FRY: variants seen among roughly 807,000 people sequenced by gnomAD.
The protein encoded by FRY is FRY microtubule binding protein, also known as protein furry homolog.
FRY carries 128 observed loss-of-function variants against 348.4 expected under a neutral mutation model. That is an observed-to-expected ratio of 0.37 (90% CI 0.32 to 0.43). The LOEUF is 0.43. Among genes scored for constraint, FRY ranks in the 20% least tolerant of loss-of-function variants. The probability of loss-of-function intolerance (pLI) is 1.00; values close to 1 mark genes in which losing one functional copy is unlikely to be tolerated. For missense variants in FRY, 2,736 were observed against 3,695.2 expected (o/e 0.74, Z 6.73); for synonymous variants, 1,370 against 1,374.7 (o/e 1.00, Z 0.08).
intron 58 of FRY, among the ~76,000 whole-genome samples, chr13:32,285,767 A>G (rs140249826): frequency 2.0e-5 from 3 of 152,334 alleles, no homozygotes; most frequent in Non-Finnish European, 4.4e-5. Context: ...CGTTTCAGTC[A>G]TATTTGATGT....
At chr13:32,143,244 A>C (rs996620504) in intron 11 of FRY, among the ~76,000 whole-genome samples, 1 of 152,204 alleles carries the variant, frequency 6.6e-6, no homozygotes, top group Non-Finnish European at 1.5e-5. Context: ...ATTTTCAAGA[A>C]TATCATTTGT....
chr13:32,295,331 C>T lies in FRY; in HGVS notation c.8913C>T (p.Ser2971=), dbSNP rs772409834. 4.4e-6 allele frequency: 7 copies of T among 1,579,714 alleles called. No homozygotes were observed. The South Asian group carries it at 7.9e-5, about 18-fold the overall frequency. The change falls in exon 61 of 61, where the codon AGC becomes AGT. Residue 2971 remains serine (S), a synonymous_variant. Transcript: ENST00000542859. ...GTYALVGSNQ[S]LTEICTKLME... ...ATGCCCTGGTGGGGTCTAACCAGAG[C>T]CTGACCGAGATCTGCACCAAGCTGA... is the stretch of plus-strand genomic sequence containing the variant.
chr13:32,189,981 C>G (rs1365664356), intron 28 of FRY, among the ~76,000 whole-genome samples: 1 of 151,712 alleles, frequency 6.6e-6, no homozygotes. Flanking sequence ...TATTGAAGAA[C>G]TGTAAGGTTG....
chr13:32,059,146 C>A (rs1873791044), intron 1 of FRY, among the ~76,000 whole-genome samples: 1 of 151,806 alleles, frequency 6.6e-6, no homozygotes, highest in Non-Finnish European at 1.5e-5. Flanking sequence ...CCCTTAGTAT[C>A]TATAAAAAGT....
intron 23 of FRY, among the ~76,000 whole-genome samples, chr13:32,181,614 G>GATAACAATAAC (rs1432464132): frequency 6.8e-5 from 10 of 146,050 alleles, no homozygotes; most frequent in Middle Eastern, 3.3e-3. Flanking sequence ...AATACAAGGA[G>GATAACAATAAC]ATAACAATAA....
chr13:32,140,573 G>A (rs1338632911), intron 11 of FRY, among the ~76,000 whole-genome samples: 2 of 151,478 alleles, frequency 1.3e-5, no homozygotes, highest in African/African-American at 4.9e-5. Flanking sequence ...AGACCAACAA[G>A]CAAATAAATA....
chr13:32,163,525 A>G (rs953377880), intron 17 of FRY, among the ~76,000 whole-genome samples: 1 of 152,212 alleles, frequency 6.6e-6, no homozygotes, highest in Non-Finnish European at 1.5e-5. Flanking sequence ...TCTGCAGGGA[A>G]AAAGTTTTCA....
At position 32,032,027 on chromosome 13, in the gene FRY, C is replaced by CTTTCTT. The variant is rs1872261802; in HGVS notation, c.70+164_70+169dup. Among the ~76,000 whole-genome samples, 101 of 71,692 alleles carry CTTTCTT rather than the reference C, an allele frequency of 1.4e-3. 1 individual carries two copies. The highest frequency in any genetic ancestry group is 4.0e-3 in the African/African-American group (94 of 23,564). The allele number at this position is 71,692 out of a possible 152,430, so 47.0% of individuals were successfully genotyped here. Reference sequence around the variant, plus strand: ...TTTCTTTCTTTCTTTCTTTCTTTTTCTTTCTTTCTTTCTTTCTTTTTTTGC... The same window carrying CTTTCTT: ...TTTCTTTCTTTCTTTCTTTCTTTTTCTTTCTTTTTCTTTCTTTCTTTCTTTTTTTGC... On this transcript the variant is annotated intron_variant, in intron 1 of 60. Coordinates refer to ENST00000542859, the MANE Select transcript of FRY (RefSeq NM_023037.3).
At chr13:32,255,079 C>T (rs985078139) in intron 51 of FRY, among the ~76,000 whole-genome samples, 1 of 152,188 alleles carries the variant, frequency 6.6e-6, no homozygotes. Context: ...AGGAGCATCA[C>T]CTGTCAGTCA....
chr13:32,104,201 A>G (rs1441585187), intron 3 of FRY, among the ~76,000 whole-genome samples: 12 of 152,158 alleles, frequency 7.9e-5, no homozygotes, highest in Non-Finnish European at 1.2e-4. Flanking sequence ...TCAGCTTTCT[A>G]TTTCTGAATC....
chr13:32,207,523 C>A (rs561701786), intron 31 of FRY, among the ~76,000 whole-genome samples: 73 of 152,282 alleles, frequency 4.8e-4, no homozygotes, highest in African/African-American at 1.7e-3. Flanking sequence ...TGGCTTGCAC[C>A]TAGAAAATGC....
Position 32,178,090 on chromosome 13 carries a change from G to A in FRY, c.2422-87G>A, listed in dbSNP as rs1446226293. 4.3e-6 allele frequency: 6 copies of A among 1,409,852 alleles called. No individual in the cohort carries two copies. In the East Asian group the frequency reaches 1.4e-4, roughly 32 times the overall value. The allele number at this position is 1,409,852 out of a possible 1,614,324, so 87.3% of individuals were successfully genotyped here. On this transcript the variant is annotated intron_variant, in intron 20 of 60. Coordinates refer to ENST00000542859, the MANE Select transcript of FRY (RefSeq NM_023037.3). ...CCAGTGCACTCAGCAAAAGCACTGT[G>A]CAAGAATGAGTAGTCAGGCTGAGCC...
intron 1 of FRY, among the ~76,000 whole-genome samples, chr13:32,039,842 A>C (rs1202402183): frequency 3.3e-5 from 5 of 152,208 alleles, no homozygotes; most frequent in Non-Finnish European, 7.3e-5. Flanking sequence ...GAGAGTTGAA[A>C]TCTTTTTTGA....
At position 32,075,046 on chromosome 13, in the gene FRY, G is replaced by GT. The variant is rs1227292440; in HGVS notation, c.71-3787dup. On this transcript the variant is annotated intron_variant, in intron 1 of 60. Coordinates refer to ENST00000542859, the MANE Select transcript of FRY (RefSeq NM_023037.3). ...TGCAAACCTGGAAAATGGTGCCTCA[G>GT]TGTGGCTAGTACTGAATCCATGTTT... Among the ~76,000 whole-genome samples, 7 of 152,218 alleles carry GT rather than the reference G, an allele frequency of 4.6e-5. No individual in the cohort carries two copies. In the East Asian group the frequency reaches 1.3e-3, roughly 29 times the overall value.
chr13:32,174,869 A>G (rs1217817075), intron 19 of FRY, among the ~76,000 whole-genome samples: 1 of 152,110 alleles, frequency 6.6e-6, no homozygotes, highest in East Asian at 1.9e-4. Flanking sequence ...AAATAAATGA[A>G]TATTCATTTA....
chr13:32,052,702 A>G (rs1873400550), intron 1 of FRY, among the ~76,000 whole-genome samples: 1 of 152,262 alleles, frequency 6.6e-6, no homozygotes, highest in African/African-American at 2.4e-5. Context: ...TAAAATTTAC[A>G]GTTGAAAAAG....
chr13:32,201,516 G>A (rs1489442811), intron 29 of FRY, among the ~76,000 whole-genome samples: 2 of 152,184 alleles, frequency 1.3e-5, no homozygotes, highest in Admixed American at 6.5e-5. Context: ...TAGTTGTTTG[G>A]CACTTAATAA....
intron 58 of FRY, among the ~76,000 whole-genome samples, chr13:32,279,321 T>A (rs1396784908): frequency 6.6e-6 from 1 of 151,578 alleles, no homozygotes; most frequent in Non-Finnish European, 1.5e-5. Context: ...TGAAGAGGAG[T>A]GGGCCTGTAG....
intron 58 of FRY, among the ~76,000 whole-genome samples, chr13:32,279,585 G>T (rs576159816): frequency 6.6e-6 from 1 of 152,220 alleles, no homozygotes; most frequent in African/African-American, 2.4e-5. Flanking sequence ...GGCAAGAGTG[G>T]TTCAGGGAAC....
Sources: allele counts gnomAD v4.1 joint callset (sites outside exome capture counted in the v4.1 genomes callset), GRCh38; gene constraint gnomAD v4.1.1; transcripts MANE v1.5; gene names NCBI Gene and HGNC (gene_info 2026-07-23, HGNC 2026-07-21).